ATP8B4: variants seen among roughly 807,000 people sequenced by gnomAD.
ATP8B4 encodes probable phospholipid-transporting ATPase IM.
A neutral mutation model predicts 145.6 loss-of-function variants in ATP8B4; 133 were observed. That is an observed-to-expected ratio of 0.91 (90% CI 0.79 to 1.05). The LOEUF is 1.05. Among genes scored for constraint, ATP8B4 ranks in the 50% least tolerant of loss-of-function variants. ATP8B4 has a pLI of 0.00. For synonymous variants in ATP8B4, 507 were observed against 492.9 expected (o/e 1.03, Z -0.38); for missense variants, 1,458 against 1,425.2 (o/e 1.02, Z -0.37).
chr15:49,937,039 T>C (rs2041799028), intron 14 of ATP8B4, among the ~76,000 whole-genome samples: 1 of 152,178 alleles, frequency 6.6e-6, no homozygotes. Context: ...TGTTCGAGTT[T>C]TCCAATTTAT....
chr15:50,093,260 T>A (rs996708584), intron 2 of ATP8B4, among the ~76,000 whole-genome samples: 21 of 151,546 alleles, frequency 1.4e-4, no homozygotes, highest in African/African-American at 5.1e-4. Context: ...AAATAAAAAA[T>A]AACAGAATGA....
intron 7 of ATP8B4, chr15:50,009,467 C>G: frequency 7.0e-6 from 2 of 286,494 alleles, no homozygotes; most frequent in South Asian, 6.2e-5. Flanking sequence ...TTTTGAGATC[C>G]TGTAGTGGTC....
chr15:50,087,130 T>G (rs12594969), intron 2 of ATP8B4, among the ~76,000 whole-genome samples: 42,543 of 117,706 alleles, frequency 0.36, 9,237 homozygotes, highest in East Asian at 0.69. Context: ...ATATAATATA[T>G]AGATCTATAT....
chr15:49,859,862 A>G lies in ATP8B4; in HGVS notation c.*332T>C, dbSNP rs936414416. On this transcript the variant is annotated 3_prime_UTR_variant, in exon 28 of 28. Coordinates refer to ENST00000284509, the MANE Select transcript of ATP8B4 (RefSeq NM_024837.4). Reference sequence around the variant, plus strand: ...ATCCGCCTGAGGATCCATTCAGTGAATATGCAGCTTTACAAGTTTTTCTCC... The same window carrying G: ...ATCCGCCTGAGGATCCATTCAGTGAGTATGCAGCTTTACAAGTTTTTCTCC... 2 of 256,000 alleles carry G rather than the reference A, an allele frequency of 7.8e-6. No individual in the cohort carries two copies. The highest frequency in any genetic ancestry group is 1.5e-5 in the Non-Finnish European group (2 of 135,426). 15.9% of individuals were successfully genotyped at this position (256,000 alleles called of 1,614,324 possible). A position where few individuals can be genotyped will look rare whatever the true frequency, so the allele number is the denominator to read the frequency against.
intron 10 of ATP8B4, among the ~76,000 whole-genome samples, chr15:49,982,717 T>C (rs1226276748): frequency 1.3e-5 from 2 of 152,212 alleles, no homozygotes; most frequent in Admixed American, 6.5e-5. Context: ...ATTAAGCATT[T>C]ATGTAAATAT....
At chr15:49,912,925 T>C (rs901958296) in intron 20 of ATP8B4, among the ~76,000 whole-genome samples, 14 of 151,938 alleles carry the variant, frequency 9.2e-5, no homozygotes, top group Admixed American at 3.9e-4. Flanking sequence ...CACAGGAATA[T>C]GAAACCAGCC....
intron 14 of ATP8B4, among the ~76,000 whole-genome samples, chr15:49,947,926 GA>G (rs983616380): frequency 6.6e-6 from 1 of 151,650 alleles, no homozygotes; most frequent in Non-Finnish European, 1.5e-5. Context: ...ACAGGCAAAA[GA>G]AAAAAATGGA....
At chr15:49,876,186 T>C (rs910078528) in intron 25 of ATP8B4, 92 bp downstream of exon 25, 3 of 1,493,154 alleles carry the variant, frequency 2.0e-6, no homozygotes, top group East Asian at 4.6e-5. Flanking sequence ...TTTAGGATTA[T>C]TTCCCCCCAA....
intron 8 of ATP8B4, among the ~76,000 whole-genome samples, chr15:49,998,890 T>C (rs2047651379): frequency 1.3e-5 from 2 of 152,180 alleles, no homozygotes; most frequent in Admixed American, 1.3e-4. Context: ...GTTTAAGTCT[T>C]TAATCCATCT....
At chr15:49,921,044 A>G in intron 17 of ATP8B4, among the ~76,000 whole-genome samples, 1 of 152,356 alleles carries the variant, frequency 6.6e-6, no homozygotes, top group South Asian at 2.1e-4. Flanking sequence ...GTCAGATATT[A>G]GAAGTTTAAG....
At chr15:49,963,385 C>T (rs756426717) in intron 13 of ATP8B4, among the ~76,000 whole-genome samples, 6 of 152,120 alleles carry the variant, frequency 3.9e-5, no homozygotes, top group Non-Finnish European at 5.9e-5. Flanking sequence ...GCAGAAATAA[C>T]ATTAGATCCA....
intron 6 of ATP8B4, among the ~76,000 whole-genome samples, chr15:50,037,322 C>T (rs1398703900): frequency 6.6e-6 from 1 of 152,164 alleles, no homozygotes; most frequent in Non-Finnish European, 1.5e-5. Context: ...AACTTTCAGA[C>T]TTGAGAAAGT....
chr15:50,132,837 A>G (rs1179781015), intron 1 of ATP8B4, among the ~76,000 whole-genome samples: 1 of 152,224 alleles, frequency 6.6e-6, no homozygotes, highest in Non-Finnish European at 1.5e-5. Flanking sequence ...GGAAGCCATC[A>G]TTCTCAGCAA....
At chr15:50,114,103 C>CTTTCT (rs1555494034) in intron 1 of ATP8B4, among the ~76,000 whole-genome samples, 3 of 55,650 alleles carry the variant, frequency 5.4e-5, no homozygotes, top group African/African-American at 6.7e-5. Context: ...CTCCTAGTTT[C>CTTTCT]TTTTTTTTTT....
In ATP8B4 at chr15:49,898,198, C is replaced by T. The variant is rs1287705806; in HGVS notation, c.2343G>A (p.Met781Ile). ...CCCTGCAGCAAATTACAGTCTTACA[C>T]ATGCAAGCAAGTTCTAGGAGATCAT... ...VKNDLLELAC[M>I]CKTVICCRVT... is the part of the protein sequence containing the mutation. Residue 781 changes from methionine (M) to isoleucine (I), a missense_variant, in exon 22 of 28, where the codon ATG (methionine) becomes ATA (isoleucine). Physicochemically the swap from Met to Ile is conservative, Grantham distance 10 (BLOSUM62 1). Coordinates refer to ENST00000284509, the MANE Select transcript of ATP8B4 (RefSeq NM_024837.4). The T allele has an allele frequency of 1.9e-6, 3 of 1,613,748 alleles. No individual in the cohort carries two copies. Among genetic ancestry groups the T allele is most frequent in the Non-Finnish European group, 2.5e-6 (3 of 1,179,874 alleles).
chr15:50,072,198 G>A (rs1322337079), intron 3 of ATP8B4, among the ~76,000 whole-genome samples: 1 of 148,314 alleles, frequency 6.7e-6, no homozygotes, highest in Non-Finnish European at 1.5e-5. Context: ...AATGGACACT[G>A]CCAAAGTTTG....
chr15:49,997,733 G>A (rs1299948824), intron 8 of ATP8B4, among the ~76,000 whole-genome samples: 9 of 152,070 alleles, frequency 5.9e-5, no homozygotes, highest in Non-Finnish European at 4.4e-5. Context: ...TTAACCTTCC[G>A]TAAATGAATT....
rs1470328310 is a variant in ATP8B4 at position 49,860,407 on chromosome 15, C to A, written c.3366G>T (p.Arg1122Ser). The change falls in exon 28 of 28, where the codon AGG becomes AGT. Residue 1122 changes from arginine to serine, a missense_variant. Physicochemically the swap from Arg to Ser is moderately radical, Grantham distance 110 (BLOSUM62 -1). Coordinates refer to ENST00000284509, the MANE Select transcript of ATP8B4 (RefSeq NM_024837.4). ...PPSSRRPRTRRSSSRRSGYAF... is the reference protein window; with the variant it reads ...PPSSRRPRTRSSSSRRSGYAF... The stretch of plus-strand genomic sequence containing the variant: ...CATATCCAGACCTTCTTGAGCTTGA[C>A]CTGCGGGTCCGAGGCCTTCGGCTAC... 6.2e-7 allele frequency: 1 copy of A among 1,614,142 alleles called. No homozygotes were observed. The highest frequency in any genetic ancestry group is 1.7e-5 in the Admixed American group (1 of 60,018).
chr15:50,017,782 T>C (rs567420374), intron 6 of ATP8B4, among the ~76,000 whole-genome samples: 10 of 152,318 alleles, frequency 6.6e-5, no homozygotes, highest in Middle Eastern at 3.4e-3. Context: ...CCTAACATTC[T>C]GGAAATAGCA....
Sources: allele counts gnomAD v4.1 joint callset (sites outside exome capture counted in the v4.1 genomes callset), GRCh38; gene constraint gnomAD v4.1.1; transcripts MANE v1.5; gene names NCBI Gene and HGNC (gene_info 2026-07-23, HGNC 2026-07-21).